Variants in NME7 observed in about 807,000 individuals in gnomAD.
NME7 encodes the protein NME/NM23 family member 7.
In NME7, 41 loss-of-function variants were observed where a neutral mutation model predicts 49.1. That is an observed-to-expected ratio of 0.83 (90% CI 0.65 to 1.08). NME7 has a LOEUF of 1.08. Among genes scored for constraint, NME7 ranks in the 50% least tolerant of loss-of-function variants. NME7 has a pLI of 0.00. For missense variants in NME7, 423 were observed against 463.4 expected (o/e 0.91, Z 0.80); for synonymous variants, 139 against 150.6 (o/e 0.92, Z 0.56).
intron 9 of NME7, 48 bp from the exon 10 acceptor site, chr1:169,230,867 C>CCTT: frequency 7.7e-7 from 1 of 1,306,696 alleles, no homozygotes; most frequent in Non-Finnish European, 1.1e-6. Context: ...CAATTTTTAA[C>CCTT]TCTCCCCTTT....
intron 7 of NME7, among the ~76,000 whole-genome samples, chr1:169,245,106 G>GTTC (rs1416856653): frequency 6.6e-6 from 1 of 152,156 alleles, no homozygotes; most frequent in Non-Finnish European, 1.5e-5. Context: ...TCCAGCCTGG[G>GTTC]TGACAGAACA....
chr1:169,242,373 C>A (rs1027524845), intron 7 of NME7, among the ~76,000 whole-genome samples: 5 of 151,542 alleles, frequency 3.3e-5, no homozygotes, highest in Non-Finnish European at 5.9e-5. Flanking sequence ...TGAAAATATA[C>A]AGCACTCATA....
intron 11 of NME7, among the ~76,000 whole-genome samples, chr1:169,164,091 C>T (rs1004910315): frequency 2.9e-5 from 4 of 139,680 alleles, no homozygotes; most frequent in Non-Finnish European, 6.1e-5. Context: ...GCCTGGGCAA[C>T]AGAGCGAGAC....
intron 10 of NME7, among the ~76,000 whole-genome samples, chr1:169,208,984 C>T (rs1040000641): frequency 6.6e-6 from 1 of 152,030 alleles, no homozygotes; most frequent in Non-Finnish European, 1.5e-5. Flanking sequence ...TAATTCCATC[C>T]ACACATGAAT....
chr1:169,334,746 C>T (rs1652392680), intron 1 of NME7, among the ~76,000 whole-genome samples: 1 of 152,128 alleles, frequency 6.6e-6, no homozygotes, highest in Non-Finnish European at 1.5e-5. Flanking sequence ...AGCTTCTGCA[C>T]AGCAAAAGAA....
intron 10 of NME7, among the ~76,000 whole-genome samples, chr1:169,178,657 T>A (rs566330528): frequency 1.3e-5 from 2 of 152,152 alleles, no homozygotes; most frequent in African/African-American, 4.8e-5. Flanking sequence ...CTCAGTGATA[T>A]TCTGAGGCTC....
intron 1 of NME7, among the ~76,000 whole-genome samples, chr1:169,336,025 C>T (rs995517046): frequency 2.0e-5 from 3 of 151,950 alleles, no homozygotes; most frequent in Non-Finnish European, 2.9e-5. Flanking sequence ...CTTAAGGTGG[C>T]GCATCCGGAG....
chr1:169,134,463 A>G (rs753678997), intron 11 of NME7, among the ~76,000 whole-genome samples: 20 of 152,172 alleles, frequency 1.3e-4, no homozygotes, highest in Non-Finnish European at 2.6e-4. Context: ...AAAGGGATTG[A>G]GTTTTTCAAA....
Position 169,305,319 on chromosome 1 carries a change from C to T in NME7, c.390-2124G>A, listed in dbSNP as rs949735464. ...AACCATTCTTTCACAAAGATCTATC[C>T]ATTAACCCTTTCAAGAAATATTTAC... is the stretch of plus-strand genomic sequence containing the variant. On this transcript the variant is annotated intron_variant, in intron 4 of 11. Transcript: ENST00000367811. Among the ~76,000 whole-genome samples, 9 of 152,274 alleles carry T rather than the reference C, an allele frequency of 5.9e-5. No individual in the cohort carries two copies. The East Asian group carries it at 1.4e-3, about 23-fold the overall frequency.
Position 169,278,716 on chromosome 1 carries a change from A to G in NME7, c.754+8587T>C, listed in dbSNP as rs1042515186. 5.5e-4 allele frequency among the ~76,000 whole-genome samples: 84 copies of G among 152,150 alleles called. No individual in the cohort carries two copies. In the Middle Eastern group the frequency reaches 0.01, roughly 18 times the overall value. ...GTCATTCTCCATCCAGCTTTGTTCC[A>G]TTGCTGGTGAGGAACTGCGTTCCTT... On this transcript the variant is annotated intron_variant, in intron 7 of 11. Transcript: ENST00000367811.
At chr1:169,309,909 A>G in intron 4 of NME7, 61 bp downstream of exon 4, 2 of 990,918 alleles carry the variant, frequency 2.0e-6, no homozygotes, top group Non-Finnish European at 3.0e-6. Flanking sequence ...CAAGAAAGAC[A>G]GAAAATGATT....
At chr1:169,200,576 C>T (rs1250072263) in intron 10 of NME7, among the ~76,000 whole-genome samples, 2 of 152,116 alleles carry the variant, frequency 1.3e-5, no homozygotes, top group African/African-American at 2.4e-5. Flanking sequence ...CCACTCCAAC[C>T]TCCTCTATCA....
At chr1:169,150,763 G>GAAA (rs10689301) in intron 11 of NME7, among the ~76,000 whole-genome samples, 35,714 of 123,990 alleles carry the variant, frequency 0.29, 5,240 homozygotes, top group Non-Finnish European at 0.36. Context: ...GCTGGAAAAG[G>GAAA]AAAAAAAAAA....
intron 1 of NME7, among the ~76,000 whole-genome samples, chr1:169,330,481 C>T (rs558846406): frequency 9.3e-4 from 141 of 152,166 alleles, no homozygotes; most frequent in Non-Finnish European, 1.4e-3. Flanking sequence ...AGTTCAAGAC[C>T]AGCCTGGCCA....
intron 7 of NME7, chr1:169,286,160 A>G (rs1328416500): frequency 6.6e-6 from 1 of 152,106 alleles, no homozygotes; most frequent in Non-Finnish European, 1.5e-5. Context: ...CAACCATTAC[A>G]TTCATGTGTA....
intron 1 of NME7, among the ~76,000 whole-genome samples, chr1:169,342,577 TATATATATATATACAA>T (rs1557831210): frequency 1.7e-5 from 1 of 58,934 alleles, no homozygotes. Flanking sequence ...ATATATATAG[TATATATATATATACAA>T]GTACATATAT....
chr1:169,154,693 G>A (rs1328150822), intron 11 of NME7, among the ~76,000 whole-genome samples: 1 of 151,752 alleles, frequency 6.6e-6, no homozygotes, highest in Non-Finnish European at 1.5e-5. Flanking sequence ...AGCTACTCAG[G>A]AGGCTGAGGC....
chr1:169,335,953 G>A (rs935101100), intron 1 of NME7, among the ~76,000 whole-genome samples: 5 of 151,902 alleles, frequency 3.3e-5, no homozygotes, highest in African/African-American at 1.2e-4. Context: ...GGAATTGGTG[G>A]GTTCTTGGTC....
At chr1:169,337,400 C>A (rs1652524106) in intron 1 of NME7, among the ~76,000 whole-genome samples, 1 of 152,196 alleles carries the variant, frequency 6.6e-6, no homozygotes, top group Admixed American at 6.5e-5. Flanking sequence ...CCACGCCCAC[C>A]CGGAACTCCA....
Sources: gnomAD v4.1 joint callset for allele counts (sites outside exome capture counted in the v4.1 genomes callset) on GRCh38, gnomAD v4.1.1 for gene constraint, MANE v1.5 for transcripts, NCBI Gene and HGNC (gene_info 2026-07-23, HGNC 2026-07-21) for gene names.